PDE10A: variants seen among roughly 807,000 people sequenced by gnomAD.
PDE10A encodes the protein cAMP and cAMP-inhibited cGMP 3',5'-cyclic phosphodiesterase 10A.
PDE10A carries 39 observed loss-of-function variants against 97.7 expected under a neutral mutation model. That is an observed-to-expected ratio of 0.40 (90% CI 0.31 to 0.52). PDE10A has a LOEUF of 0.52. Ranked by LOEUF, PDE10A falls within the 20% of genes least tolerant of loss-of-function variation. The pLI, the probability that PDE10A is intolerant of heterozygous loss-of-function variation, is 0.56. For missense variants in PDE10A, 731 were observed against 1,047.8 expected (o/e 0.70, Z 4.17); for synonymous variants, 371 against 376.8 (o/e 0.98, Z 0.18).
At chr6:165,389,772 C>T (rs1162327499) in intron 16 of PDE10A, among the ~76,000 whole-genome samples, 1 of 152,154 alleles carries the variant, frequency 6.6e-6, no homozygotes, top group Non-Finnish European at 1.5e-5. Context: ...CTGAGCTCAC[C>T]AAGGTTGTAG....
chr6:165,442,715 C>A (rs763014227), intron 5 of PDE10A, among the ~76,000 whole-genome samples: 5 of 152,120 alleles, frequency 3.3e-5, no homozygotes, highest in Non-Finnish European at 5.9e-5. Context: ...CAAACCATAT[C>A]ATTCTACCTC....
At chr6:165,342,908 C>T (rs2128180542) in intron 19 of PDE10A, among the ~76,000 whole-genome samples, 1 of 152,236 alleles carries the variant, frequency 6.6e-6, no homozygotes, top group African/African-American at 2.4e-5. Context: ...ATGAATATTC[C>T]ACACATTCTG....
chr6:165,390,651 G>A (rs147427364), intron 16 of PDE10A, among the ~76,000 whole-genome samples: 2 of 152,156 alleles, frequency 1.3e-5, no homozygotes, highest in Non-Finnish European at 2.9e-5. Flanking sequence ...CAGCTCTGGA[G>A]AGGAGTGTGA....
chr6:165,689,413 T>A (rs1791210392), intron 1 of PDE10A, among the ~76,000 whole-genome samples: 1 of 152,200 alleles, frequency 6.6e-6, no homozygotes, highest in Non-Finnish European at 1.5e-5. Flanking sequence ...ACAGTTTGGA[T>A]GTCTGTTCCC....
At chr6:165,854,920 G>C (rs1249090271) in intron 1 of PDE10A, among the ~76,000 whole-genome samples, 1 of 152,218 alleles carries the variant, frequency 6.6e-6, no homozygotes, top group African/African-American at 2.4e-5. Context: ...GATGCGGGAA[G>C]GTTTGTGAGG....
At chr6:165,975,619 T>C (rs1349354674) in intron 1 of PDE10A, among the ~76,000 whole-genome samples, 1 of 152,164 alleles carries the variant, frequency 6.6e-6, no homozygotes, top group Non-Finnish European at 1.5e-5. Context: ...AGGCAGACAA[T>C]AAAAGTAAGC....
chr6:165,813,780 C>T (rs1779339832), intron 1 of PDE10A, among the ~76,000 whole-genome samples: 1 of 87,764 alleles, frequency 1.1e-5, no homozygotes, highest in Non-Finnish European at 2.3e-5. Context: ...TTGATTGATG[C>T]TAATCGCAGA....
chr6:165,530,856 T>A (rs1782736773), intron 2 of PDE10A, among the ~76,000 whole-genome samples: 1 of 152,164 alleles, frequency 6.6e-6, no homozygotes. Context: ...TCACTGATAT[T>A]TTCAAACCAA....
chr6:165,460,265 A>G (rs1370185223), intron 3 of PDE10A, among the ~76,000 whole-genome samples: 1 of 152,262 alleles, frequency 6.6e-6, no homozygotes, highest in African/African-American at 2.4e-5. Flanking sequence ...TTTAAGTTTA[A>G]AACAGGTACA....
At chr6:165,928,073 T>A (rs1041925324) in intron 1 of PDE10A, among the ~76,000 whole-genome samples, 13 of 150,850 alleles carry the variant, frequency 8.6e-5, no homozygotes, top group Non-Finnish European at 1.6e-4. Flanking sequence ...ATTAAACATA[T>A]TTAATATTTA....
chr6:165,972,706 C>T (rs1784721350), intron 1 of PDE10A, among the ~76,000 whole-genome samples: 1 of 152,100 alleles, frequency 6.6e-6, no homozygotes, highest in African/African-American at 2.4e-5. Flanking sequence ...TAAGGGACAA[C>T]CCTTCATCCA....
intron 1 of PDE10A, among the ~76,000 whole-genome samples, chr6:165,866,463 T>A (rs1413786452): frequency 6.7e-6 from 1 of 150,304 alleles, no homozygotes; most frequent in Non-Finnish European, 1.5e-5. Flanking sequence ...CCATACACAG[T>A]CATGCACTGG....
chr6:165,550,754 A>G (rs1024302351), intron 1 of PDE10A, among the ~76,000 whole-genome samples: 4 of 152,238 alleles, frequency 2.6e-5, no homozygotes, highest in Non-Finnish European at 5.9e-5. Flanking sequence ...CAGAATGTTT[A>G]GGAAACAAGG....
intron 14 of PDE10A, 37 bp downstream of exon 14, chr6:165,396,280 A>ATGGTTCC (rs1415912976): frequency 2.5e-6 from 4 of 1,593,456 alleles, no homozygotes; most frequent in Non-Finnish European, 3.4e-6. Flanking sequence ...TCAATTAAAA[A>ATGGTTCC]TGGTTCCTGA....
chr6:165,733,114 C>T (rs148655917), intron 1 of PDE10A, among the ~76,000 whole-genome samples: 10 of 152,280 alleles, frequency 6.6e-5, no homozygotes, highest in African/African-American at 1.2e-4. Flanking sequence ...CATTTCCAGT[C>T]GGCACTGTGA....
At chr6:165,477,359 TTTC>T (rs1779351616) in intron 3 of PDE10A, among the ~76,000 whole-genome samples, 1 of 152,332 alleles carries the variant, frequency 6.6e-6, no homozygotes, top group African/African-American at 2.4e-5. Context: ...GCCTCTCGCT[TTTC>T]TGTCTCCACA....
chr6:165,799,829 A>T (rs1778935948), intron 1 of PDE10A, among the ~76,000 whole-genome samples: 2 of 152,092 alleles, frequency 1.3e-5, no homozygotes, highest in South Asian at 4.1e-4. Context: ...AACATACAAC[A>T]CTGAAATTCT....
chr6:165,580,218 G>A (rs1785537032), intron 1 of PDE10A, among the ~76,000 whole-genome samples: 2 of 152,058 alleles, frequency 1.3e-5, no homozygotes, highest in African/African-American at 2.4e-5. Flanking sequence ...CCCAATACTT[G>A]GGGTCAGGAG....
At chr6:165,438,092 T>C (rs1583285646) in intron 5 of PDE10A, among the ~76,000 whole-genome samples, 1 of 152,202 alleles carries the variant, frequency 6.6e-6, no homozygotes, top group Admixed American at 6.5e-5. Context: ...TACTGTCAAG[T>C]AGGATGTCAT....
Sources: allele counts gnomAD v4.1 joint callset (sites outside exome capture counted in the v4.1 genomes callset), GRCh38; gene constraint gnomAD v4.1.1; transcripts MANE v1.5; gene names NCBI Gene and HGNC (gene_info 2026-07-23, HGNC 2026-07-21).